KIRREL3: variants seen among roughly 807,000 people sequenced by gnomAD.
KIRREL3 encodes the protein kin of IRRE-like protein 3.
Under a neutral mutation model 89.7 loss-of-function variants are expected in KIRREL3, and 36 were observed. The ratio of observed to expected loss-of-function variants is 0.40; its 90% CI spans 0.31 to 0.53. The LOEUF (loss-of-function observed/expected upper bound fraction) is 0.53, where lower values mean the gene tolerates loss of function less well. Ranked by LOEUF, KIRREL3 falls within the 20% of genes least tolerant of loss-of-function variation. The pLI, the probability that KIRREL3 is intolerant of heterozygous loss-of-function variation, is 0.49. For missense variants in KIRREL3, 864 were observed against 1,056.6 expected, an observed-to-expected ratio of 0.82 and a Z score of 2.53; for synonymous variants, 445 against 441.4, an observed-to-expected ratio of 1.01 and a Z score of -0.10.
At position 126,492,492 on chromosome 11, in the gene KIRREL3, G is replaced by A. The variant is rs75763317; in HGVS notation, c.434-19026C>T. Reference sequence around the variant, plus strand: ...CCCTGTCCGTCCAGTTCTGAGAGGTGTTTCTATCTGTAGGGGCCGAGGGGC... The same window carrying A: ...CCCTGTCCGTCCAGTTCTGAGAGGTATTTCTATCTGTAGGGGCCGAGGGGC... On this transcript the variant is annotated intron_variant, in intron 4 of 16. Transcript: ENST00000525144. The surrounding 1 kb of genome is among the most constrained non-coding windows in gnomAD (Gnocchi z 4.8). Among the ~76,000 whole-genome samples, 2 of 152,118 alleles carry A rather than the reference G, an allele frequency of 1.3e-5. No homozygotes were observed. The highest frequency in any genetic ancestry group is 2.9e-5 in the Non-Finnish European group (2 of 68,016).
chr11:126,818,573 T>A (rs1951657893), intron 1 of KIRREL3, among the ~76,000 whole-genome samples: 1 of 151,794 alleles, frequency 6.6e-6, no homozygotes, highest in Admixed American at 6.6e-5. Flanking sequence ...CATTCCTCTT[T>A]ACTATGTATG....
intron 1 of KIRREL3, among the ~76,000 whole-genome samples, chr11:126,716,272 C>A (rs571491206): frequency 6.6e-5 from 10 of 152,208 alleles, no homozygotes; most frequent in Admixed American, 6.5e-4. Context: ...CTAAGAAGAG[C>A]AAAGCAGCTA....
chr11:126,468,187 C>T (rs1295202706), intron 5 of KIRREL3, among the ~76,000 whole-genome samples: 1 of 152,222 alleles, frequency 6.6e-6, no homozygotes, highest in Non-Finnish European at 1.5e-5. Flanking sequence ...CCCATCCTTC[C>T]TCCCCTGCTG....
At position 126,896,250 on chromosome 11, in the gene KIRREL3, C is replaced by T. The variant is rs751471720; in HGVS notation, c.55+104205G>A. ...AATCCACTGCTAGGCAGTAGGATAC[C>T]TAAGAAACTAACCCTATACCATCCA... On this transcript the variant is annotated intron_variant, in intron 1 of 16. Coordinates refer to ENST00000525144, the MANE Select transcript of KIRREL3 (RefSeq NM_032531.4). This position sits in a 1 kb window ranked among gnomAD's most constrained non-coding sequence, Gnocchi z 4.1. Among the ~76,000 whole-genome samples the T allele has an allele frequency of 1.3e-5, 2 of 152,198 alleles. No individual in the cohort carries two copies. Among genetic ancestry groups the T allele is most frequent in the African/African-American group, 2.4e-5 (1 of 41,454 alleles).
Position 126,795,565 on chromosome 11 carries a change from C to T in KIRREL3, c.55+204890G>A, listed in dbSNP as rs565584732. Among the ~76,000 whole-genome samples the T allele has an allele frequency of 3.2e-4, 48 of 151,984 alleles. No homozygotes were observed. Among genetic ancestry groups the T allele is most frequent in the Non-Finnish European group, 5.7e-4 (39 of 67,980 alleles). On this transcript the variant is annotated intron_variant, in intron 1 of 16. Coordinates refer to ENST00000525144, the MANE Select transcript of KIRREL3 (RefSeq NM_032531.4). The surrounding 1 kb of genome is among the most constrained non-coding windows in gnomAD (Gnocchi z 4.1). ...TTTTAAAATATATTTTTAGTAGAGA[C>T]GGGGTTTCTACTAAAACCCTGTTGG...
At chr11:126,482,560 T>C (rs892847026) in intron 4 of KIRREL3, among the ~76,000 whole-genome samples, 5 of 152,252 alleles carry the variant, frequency 3.3e-5, no homozygotes, top group African/African-American at 1.2e-4. Context: ...GTAAAGGGTC[T>C]GATGGATGAT....
In KIRREL3 at chr11:126,860,584, C is replaced by A. The variant is rs1944671186; in HGVS notation, c.55+139871G>T. On this transcript the variant is annotated intron_variant, in intron 1 of 16. Coordinates refer to ENST00000525144, the MANE Select transcript of KIRREL3 (RefSeq NM_032531.4). The surrounding 1 kb of genome is among the most constrained non-coding windows in gnomAD (Gnocchi z 4.6). ...GCGTGGAGGCAGAGGGGCCAGGCAGCCAAAGGCCTTGGATTAGGGCTGAAG... is the reference window on the plus strand; with the variant it reads ...GCGTGGAGGCAGAGGGGCCAGGCAGACAAAGGCCTTGGATTAGGGCTGAAG... Among the ~76,000 whole-genome samples, 1 of 152,118 alleles carries A rather than the reference C, an allele frequency of 6.6e-6. No homozygotes were observed. The highest frequency in any genetic ancestry group is 2.4e-5 in the African/African-American group (1 of 41,400).
At chr11:126,951,304 G>A (rs545588401) in intron 1 of KIRREL3, among the ~76,000 whole-genome samples, 2 of 152,324 alleles carry the variant, frequency 1.3e-5, no homozygotes, top group Admixed American at 6.5e-5. Context: ...CCGTTGAGAT[G>A]CTCTGGGTAT....
rs986246177 is a variant in KIRREL3, at chr11:126,462,898, G to C, written c.742+259C>G. 2.0e-5 allele frequency among the ~76,000 whole-genome samples: 3 copies of C among 152,190 alleles called. No homozygotes were observed. Among genetic ancestry groups the C allele is most frequent in the South Asian group, 2.1e-4 (1 of 4,826 alleles). On this transcript the variant is annotated intron_variant, in intron 6 of 16. Transcript: ENST00000525144. This position sits in a 1 kb window ranked among gnomAD's most constrained non-coding sequence, Gnocchi z 4.8. ...AGGCAGCAGCTGACCGTATTTATTG[G>C]TGTGAAAGTCCCACCTTGTACAGGT... is the stretch of plus-strand genomic sequence containing the variant.
At chr11:126,582,621 G>C (rs968212022) in intron 1 of KIRREL3, among the ~76,000 whole-genome samples, 20 of 152,142 alleles carry the variant, frequency 1.3e-4, no homozygotes, top group African/African-American at 4.8e-4. Flanking sequence ...GTGGGGAAGG[G>C]GTGAGAACTG....
At chr11:126,862,487 T>G (rs766325997) in intron 1 of KIRREL3, among the ~76,000 whole-genome samples, 17 of 152,174 alleles carry the variant, frequency 1.1e-4, no homozygotes, top group South Asian at 4.1e-4. Context: ...ATCTGATCCA[T>G]CTCAGCAGAT....
chr11:126,555,091 T>C lies in KIRREL3; in HGVS notation c.133+7744A>G, dbSNP rs1473026217. 2.6e-5 allele frequency among the ~76,000 whole-genome samples: 4 copies of C among 152,212 alleles called. No individual in the cohort carries two copies. Among genetic ancestry groups the C allele is most frequent in the Non-Finnish European group, 5.9e-5 (4 of 68,030 alleles). The stretch of plus-strand genomic sequence containing the variant: ...TACCCTTCAATCTGTTCATGTGACC[T>C]GATTCTTCCTGACACTGGACAAGAA... On this transcript the variant is annotated intron_variant, in intron 2 of 16. Transcript: ENST00000525144. The surrounding 1 kb of genome is among the most constrained non-coding windows in gnomAD (Gnocchi z 4.2).
intron 1 of KIRREL3, among the ~76,000 whole-genome samples, chr11:126,971,207 T>G (rs1179328861): frequency 6.6e-6 from 1 of 152,136 alleles, no homozygotes; most frequent in African/African-American, 2.4e-5. Flanking sequence ...ATGAAAAGGG[T>G]AATGTTTGGG....
Position 126,523,153 on chromosome 11 carries a change from C to T in KIRREL3, c.284-1689G>A, listed in dbSNP as rs1958647397. 6.6e-6 allele frequency among the ~76,000 whole-genome samples: 1 copy of T among 152,110 alleles called. No homozygotes were observed. The highest frequency in any genetic ancestry group is 1.5e-5 in the Non-Finnish European group (1 of 68,018). On this transcript the variant is annotated intron_variant, in intron 3 of 16. Transcript: ENST00000525144. The surrounding 1 kb of genome is among the most constrained non-coding windows in gnomAD (Gnocchi z 4.9). The stretch of plus-strand genomic sequence containing the variant: ...AATATTCTCAACTGTTTGAGGTATC[C>T]AACAAGGATCTGGGATGCCAGAGAG...
At chr11:126,698,918 G>T (rs1300468262) in intron 1 of KIRREL3, among the ~76,000 whole-genome samples, 1 of 152,242 alleles carries the variant, frequency 6.6e-6, no homozygotes, top group Non-Finnish European at 1.5e-5. Flanking sequence ...CCATTTGCTT[G>T]CTCCACGGGC....
At chr11:126,667,655 G>T (rs1945723283) in intron 1 of KIRREL3, among the ~76,000 whole-genome samples, 1 of 152,028 alleles carries the variant, frequency 6.6e-6, no homozygotes, top group Non-Finnish European at 1.5e-5. Context: ...AACTCATGTC[G>T]GCTTAGTTGA....
chr11:126,908,802 C>T lies in KIRREL3; in HGVS notation c.55+91653G>A, dbSNP rs1946687947. ...GAACAAAGACTCAGGCAAATATATG[C>T]AGTCATCCCTCGTTATTCAAGGAGG... is the stretch of plus-strand genomic sequence containing the variant. On this transcript the variant is annotated intron_variant, in intron 1 of 16. Transcript: ENST00000525144. The surrounding 1 kb of genome is among the most constrained non-coding windows in gnomAD (Gnocchi z 4.2). 6.6e-6 allele frequency among the ~76,000 whole-genome samples: 1 copy of T among 152,104 alleles called. No homozygotes were observed. The highest frequency in any genetic ancestry group is 1.5e-5 in the Non-Finnish European group (1 of 68,040).
In KIRREL3 at chr11:126,924,073, G is replaced by T. The variant is rs1395370763; in HGVS notation, c.55+76382C>A. Among the ~76,000 whole-genome samples the T allele has an allele frequency of 2.6e-5, 4 of 152,080 alleles. No individual in the cohort carries two copies. Among genetic ancestry groups the T allele is most frequent in the Non-Finnish European group, 5.9e-5 (4 of 68,034 alleles). ...TTTAAAAATCTTACTTCTAAATATT[G>T]TTCATCTCTCTATTCCCAGTACTCG... On this transcript the variant is annotated intron_variant, in intron 1 of 16. Coordinates refer to ENST00000525144, the MANE Select transcript of KIRREL3 (RefSeq NM_032531.4). This position sits in a 1 kb window ranked among gnomAD's most constrained non-coding sequence, Gnocchi z 4.7.
chr11:126,953,622 C>CAG lies in KIRREL3; in HGVS notation c.55+46831_55+46832dup, dbSNP rs35913153. 8.0e-5 allele frequency among the ~76,000 whole-genome samples: 12 copies of CAG among 150,652 alleles called. No homozygotes were observed. Among genetic ancestry groups the CAG allele is most frequent in the East Asian group, 2.0e-4 (1 of 5,100 alleles). On this transcript the variant is annotated intron_variant, in intron 1 of 16. Transcript: ENST00000525144. This position sits in a 1 kb window ranked among gnomAD's most constrained non-coding sequence, Gnocchi z 5.2. ...CACACACTTGGGAGAGATAGAGAGA[C>CAG]AGAGAGAGAGAACGACCAAGTACGA...
Sources: allele counts gnomAD v4.1 joint callset (sites outside exome capture counted in the v4.1 genomes callset), GRCh38; gene constraint gnomAD v4.1.1; non-coding constraint Gnocchi (gnomAD v3.1); transcripts MANE v1.5; gene names NCBI Gene and HGNC (gene_info 2026-07-23, HGNC 2026-07-21).